HTR7: variants seen among roughly 807,000 people sequenced by gnomAD.
The protein encoded by HTR7 is 5-hydroxytryptamine receptor 7.
In HTR7, 16 loss-of-function variants were observed where a neutral mutation model predicts 34.0. The observed-to-expected ratio is 0.47, with a 90% CI of 0.32 to 0.71. The LOEUF is 0.71. Ranked by LOEUF, HTR7 falls within the 30% of genes least tolerant of loss-of-function variation. HTR7 has a pLI of 0.04. For missense variants in HTR7, 504 were observed against 625.5 expected, an observed-to-expected ratio of 0.81 and a Z score of 2.07; for synonymous variants, 265 against 260.2, an observed-to-expected ratio of 1.02 and a Z score of -0.18.
intron 1 of HTR7, among the ~76,000 whole-genome samples, chr10:90,770,872 T>A (rs1845098511): frequency 6.6e-6 from 1 of 152,194 alleles, no homozygotes. Context: ...GCCTGAAGAC[T>A]GGGGCTCACG....
At chr10:90,844,935 A>G (rs1846391267) in intron 1 of HTR7, among the ~76,000 whole-genome samples, 1 of 151,930 alleles carries the variant, frequency 6.6e-6, no homozygotes, top group South Asian at 2.1e-4. Flanking sequence ...TCTAACATGC[A>G]GCCAGGGTTG....
chr10:90,763,447 C>T (rs1207390692), intron 1 of HTR7, among the ~76,000 whole-genome samples: 1 of 151,906 alleles, frequency 6.6e-6, no homozygotes. Context: ...ATAGATAAAA[C>T]TTAGTCATTT....
At chr10:90,780,862 G>T (rs1425062238) in intron 1 of HTR7, among the ~76,000 whole-genome samples, 2 of 152,216 alleles carry the variant, frequency 1.3e-5, no homozygotes, top group Non-Finnish European at 2.9e-5. Flanking sequence ...CTAGTGCCTG[G>T]AATGTTGTGG....
intron 1 of HTR7, among the ~76,000 whole-genome samples, chr10:90,825,660 C>A (rs926121143): frequency 6.6e-6 from 1 of 152,032 alleles, no homozygotes. Context: ...CAAAGGAATT[C>A]ATAATTTGAA....
intron 1 of HTR7, among the ~76,000 whole-genome samples, chr10:90,835,492 GTCTC>G (rs1374413924): frequency 6.6e-6 from 1 of 152,176 alleles, no homozygotes; most frequent in Non-Finnish European, 1.5e-5. Context: ...CAGCTTCTAT[GTCTC>G]TCTTTCATAT....
At chr10:90,786,852 A>G (rs1320131279) in intron 1 of HTR7, among the ~76,000 whole-genome samples, 1 of 152,246 alleles carries the variant, frequency 6.6e-6, no homozygotes, top group Non-Finnish European at 1.5e-5. Context: ...GCCCCATGTA[A>G]GAGGTGCCCA....
chr10:90,856,981 T>C, intron 1 of HTR7, 152 bp downstream of exon 1: 1 of 676,830 alleles, frequency 1.5e-6, no homozygotes, highest in Non-Finnish European at 2.5e-6. Flanking sequence ...GTTTGGTTGG[T>C]GTAGGGTGGA....
At chr10:90,804,600 C>A (rs560185502) in intron 1 of HTR7, among the ~76,000 whole-genome samples, 1 of 152,156 alleles carries the variant, frequency 6.6e-6, no homozygotes, top group Non-Finnish European at 1.5e-5. Context: ...CCTCCCCACT[C>A]CTTCAGGTTT....
At chr10:90,756,895 A>G in intron 1 of HTR7, among the ~76,000 whole-genome samples, 1 of 152,196 alleles carries the variant, frequency 6.6e-6, no homozygotes, top group Middle Eastern at 3.2e-3. Flanking sequence ...AAGGATTTTT[A>G]GACAATTATA....
At chr10:90,852,809 T>C (rs779113360) in intron 1 of HTR7, among the ~76,000 whole-genome samples, 1 of 152,236 alleles carries the variant, frequency 6.6e-6, no homozygotes, top group Non-Finnish European at 1.5e-5. Context: ...CCCCAATGCA[T>C]GATGCTAATG....
chr10:90,819,793 G>A (rs1015809933), intron 1 of HTR7, among the ~76,000 whole-genome samples: 2 of 151,870 alleles, frequency 1.3e-5, no homozygotes, highest in Admixed American at 6.6e-5. Context: ...TTTGAGGAAG[G>A]GTGGAGTTTA....
chr10:90,785,036 C>T (rs553006616), intron 1 of HTR7, among the ~76,000 whole-genome samples: 1 of 152,344 alleles, frequency 6.6e-6, no homozygotes, highest in African/African-American at 2.4e-5. Context: ...TCTCTGATCT[C>T]ACTGAGCTCC....
At chr10:90,849,829 ACT>A (rs1319431259) in intron 1 of HTR7, among the ~76,000 whole-genome samples, 1 of 152,138 alleles carries the variant, frequency 6.6e-6, no homozygotes, top group East Asian at 1.9e-4. Context: ...ATACACACAC[ACT>A]CACACACGCA....
rs143760450 is a variant in HTR7 at position 90,765,398 on chromosome 10, T to C, written c.540-15804A>G. Reference sequence around the variant, plus strand: ...GACATCAGTTTTAATGTATCCTCTTTCATTTCTGATTTATTTAATTATTCC... The same window carrying C: ...GACATCAGTTTTAATGTATCCTCTTCCATTTCTGATTTATTTAATTATTCC... On this transcript the variant is annotated intron_variant, in intron 1 of 3. Coordinates refer to ENST00000336152, the MANE Select transcript of HTR7 (RefSeq NM_019859.4). 3.3e-4 allele frequency among the ~76,000 whole-genome samples: 51 copies of C among 152,246 alleles called. No individual in the cohort carries two copies. In the East Asian group the frequency reaches 7.7e-3, roughly 23 times the overall value.
intron 1 of HTR7, among the ~76,000 whole-genome samples, chr10:90,766,560 G>C (rs1251776292): frequency 6.6e-6 from 1 of 152,166 alleles, no homozygotes; most frequent in Non-Finnish European, 1.5e-5. Flanking sequence ...ATTCACCACT[G>C]CCATTTTGTT....
chr10:90,798,695 G>C (rs1394708749), intron 1 of HTR7, among the ~76,000 whole-genome samples: 1 of 152,192 alleles, frequency 6.6e-6, no homozygotes, highest in African/African-American at 2.4e-5. Flanking sequence ...CTGGGTGACA[G>C]AGTAAGACTG....
rs1246143438 is a variant in HTR7 at position 90,803,573 on chromosome 10, T to C, written c.539+53560A>G. ...TGATCACCAGTTTCAGGTGTTTCTG[T>C]TTATCGGGAGACCGCCTTTTCCTGA... On this transcript the variant is annotated intron_variant, in intron 1 of 3. Transcript: ENST00000336152. Among the ~76,000 whole-genome samples the C allele has an allele frequency of 2.6e-5, 4 of 152,176 alleles. No individual in the cohort carries two copies. In the East Asian group the frequency reaches 7.7e-4, roughly 29 times the overall value.
intron 1 of HTR7, among the ~76,000 whole-genome samples, chr10:90,758,520 A>C (rs1844875748): frequency 6.6e-6 from 1 of 152,076 alleles, no homozygotes; most frequent in East Asian, 1.9e-4. Flanking sequence ...GATAAGACAT[A>C]ATAATAACAT....
chr10:90,784,861 C>A (rs1845358531), intron 1 of HTR7, among the ~76,000 whole-genome samples: 2 of 152,318 alleles, frequency 1.3e-5, no homozygotes, highest in South Asian at 4.1e-4. Context: ...ATATTACTTC[C>A]CAGTTTCTTA....
Sources: allele counts gnomAD v4.1 joint callset (sites outside exome capture counted in the v4.1 genomes callset), GRCh38; gene constraint gnomAD v4.1.1; transcripts MANE v1.5; gene names NCBI Gene and HGNC (gene_info 2026-07-23, HGNC 2026-07-21).